Variants in SH3RF3 observed in about 807,000 individuals in gnomAD.
The protein encoded by SH3RF3 is SH3 domain containing ring finger 3.
In SH3RF3, 29 loss-of-function variants were observed where a neutral mutation model predicts 66.3. That is an observed-to-expected ratio of 0.44 (90% CI 0.33 to 0.60). The LOEUF is 0.60. Among genes scored for constraint, SH3RF3 ranks in the 20% least tolerant of loss-of-function variants. SH3RF3 has a pLI of 0.04. For missense variants in SH3RF3, 1,194 were observed against 1,190.9 expected (o/e 1.00, Z -0.04); for synonymous variants, 583 against 532.0 (o/e 1.10, Z -1.32).
In SH3RF3 at chr2:109,422,600, C is replaced by A. The variant is rs185270657; in HGVS notation, c.1403+2958C>A. ...CTCATTCCTGCACCCCCTTTCCACCCCCTGCTGTGTTGGGCTGGGGCTTGT... is the reference window on the plus strand; with the variant it reads ...CTCATTCCTGCACCCCCTTTCCACCACCTGCTGTGTTGGGCTGGGGCTTGT... On this transcript the variant is annotated intron_variant, in intron 5 of 9. Coordinates refer to ENST00000309415, the MANE Select transcript of SH3RF3 (RefSeq NM_001099289.3). 1.0e-4 allele frequency among the ~76,000 whole-genome samples: 9 copies of A among 89,306 alleles called. No homozygotes were observed. In the East Asian group the frequency reaches 2.2e-3, roughly 22 times the overall value. The allele number at this position is 89,306 out of a possible 152,430, so 58.6% of individuals were successfully genotyped here. A position where few individuals can be genotyped will look rare whatever the true frequency, so the allele number is the denominator to read the frequency against.
At position 109,129,360 on chromosome 2, in the gene SH3RF3, ACGCAGGCCGG is replaced by A; in HGVS notation, c.-180_-171del. ...CCCGCCACGCAGGCCGGTCCCCGCC[ACGCAGGCCGG>A]TCGGTGAGCCACTTCGCACCGCCAC... On this transcript the variant is annotated 5_prime_UTR_variant, in exon 1 of 10. Transcript: ENST00000309415. 1 of 377,902 alleles carries A rather than the reference ACGCAGGCCGG, an allele frequency of 2.6e-6. No homozygotes were observed. The highest frequency in any genetic ancestry group is 6.8e-5 in the East Asian group (1 of 14,608). 23.4% of individuals were successfully genotyped at this position (377,902 alleles called of 1,614,324 possible). A position where few individuals can be genotyped will look rare whatever the true frequency, so the allele number is the denominator to read the frequency against.
At chr2:109,492,331 C>T (rs1679150716) in intron 9 of SH3RF3, among the ~76,000 whole-genome samples, 1 of 152,204 alleles carries the variant, frequency 6.6e-6, no homozygotes, top group Non-Finnish European at 1.5e-5. Flanking sequence ...TAGCGCCAAG[C>T]CTATGGGGCT....
intron 5 of SH3RF3, among the ~76,000 whole-genome samples, chr2:109,427,265 G>A (rs1018084237): frequency 8.6e-5 from 13 of 152,026 alleles, no homozygotes; most frequent in African/African-American, 1.2e-4. Flanking sequence ...CACCGTGCCT[G>A]GACAAAGAAA....
chr2:109,297,784 C>T (rs1247826286), intron 1 of SH3RF3, among the ~76,000 whole-genome samples: 4 of 152,004 alleles, frequency 2.6e-5, no homozygotes, highest in African/African-American at 7.3e-5. Flanking sequence ...AGTCATTGCC[C>T]CCAACTAGGT....
intron 9 of SH3RF3, among the ~76,000 whole-genome samples, chr2:109,497,483 C>A (rs1679285102): frequency 6.6e-6 from 1 of 152,194 alleles, no homozygotes; most frequent in African/African-American, 2.4e-5. Context: ...ATTCCTTGAG[C>A]CCTGTGTCTG....
chr2:109,243,091 A>G (rs1186599437), intron 1 of SH3RF3, among the ~76,000 whole-genome samples: 1 of 152,260 alleles, frequency 6.6e-6, no homozygotes, highest in East Asian at 1.9e-4. Flanking sequence ...TAGCGTCAGC[A>G]GCAGATGAGA....
chr2:109,195,428 C>G (rs1430357054), intron 1 of SH3RF3, among the ~76,000 whole-genome samples: 1 of 152,260 alleles, frequency 6.6e-6, no homozygotes, highest in Admixed American at 6.5e-5. Flanking sequence ...GCGTCTGCCA[C>G]TCATGCCTGA....
At chr2:109,327,807 A>G (rs769894448) in intron 1 of SH3RF3, among the ~76,000 whole-genome samples, 4 of 152,258 alleles carry the variant, frequency 2.6e-5, no homozygotes, top group African/African-American at 4.8e-5. Context: ...TGACTTTTAC[A>G]TATACATACC....
chr2:109,307,016 A>G (rs1471444125), intron 1 of SH3RF3, among the ~76,000 whole-genome samples: 2 of 152,226 alleles, frequency 1.3e-5, no homozygotes, highest in African/African-American at 4.8e-5. Flanking sequence ...GGCACACATT[A>G]TTATGGCAGT....
intron 8 of SH3RF3, among the ~76,000 whole-genome samples, chr2:109,459,984 G>A (rs533630481): frequency 6.6e-6 from 1 of 152,324 alleles, no homozygotes; most frequent in Non-Finnish European, 1.5e-5. Flanking sequence ...TCCCAGCCCT[G>A]CAAGGGACTG....
intron 8 of SH3RF3, among the ~76,000 whole-genome samples, chr2:109,472,307 G>T (rs1329788987): frequency 6.6e-6 from 1 of 152,028 alleles, no homozygotes; most frequent in Non-Finnish European, 1.5e-5. Flanking sequence ...ACCCGGCCAG[G>T]GGCCTCCCGG....
At chr2:109,180,498 C>T (rs763577646) in intron 1 of SH3RF3, among the ~76,000 whole-genome samples, 1 of 152,180 alleles carries the variant, frequency 6.6e-6, no homozygotes, top group Non-Finnish European at 1.5e-5. Context: ...ACCCAAATCT[C>T]ATCTTGAATT....
chr2:109,413,205 C>T (rs983769596), intron 4 of SH3RF3, among the ~76,000 whole-genome samples: 6 of 152,228 alleles, frequency 3.9e-5, no homozygotes, highest in Admixed American at 3.9e-4. Context: ...ACCTCCGCCT[C>T]ATGGGTTCAA....
chr2:109,479,927 A>T (rs1412041136), intron 8 of SH3RF3, among the ~76,000 whole-genome samples: 2 of 152,024 alleles, frequency 1.3e-5, no homozygotes, highest in African/African-American at 4.8e-5. Context: ...GCTCCAGCCC[A>T]GCCCGGTTTT....
At chr2:109,151,666 C>T (rs189895330) in intron 1 of SH3RF3, among the ~76,000 whole-genome samples, 2 of 152,346 alleles carry the variant, frequency 1.3e-5, no homozygotes, top group South Asian at 2.1e-4. Flanking sequence ...TGAGGTCACA[C>T]TTCCCGGTTT....
intron 1 of SH3RF3, among the ~76,000 whole-genome samples, chr2:109,230,858 TCACTGGCCAATAGGA>T (rs1267986322): frequency 6.6e-6 from 1 of 152,216 alleles, no homozygotes; most frequent in African/African-American, 2.4e-5. Context: ...CCCTAGGAGT[TCACTGGCCAATAGGA>T]CTCCCTTTGG....
intron 1 of SH3RF3, among the ~76,000 whole-genome samples, chr2:109,146,197 A>C (rs1037464597): frequency 6.6e-6 from 1 of 152,142 alleles, no homozygotes; most frequent in Non-Finnish European, 1.5e-5. Flanking sequence ...AATAATGGCC[A>C]TTATTATTGG....
chr2:109,448,893 C>T (rs1677785186), intron 7 of SH3RF3, among the ~76,000 whole-genome samples: 1 of 152,158 alleles, frequency 6.6e-6, no homozygotes, highest in Non-Finnish European at 1.5e-5. Flanking sequence ...TTCATGGCAA[C>T]CTTGGCAAAG....
At chr2:109,185,730 A>T (rs1028611213) in intron 1 of SH3RF3, among the ~76,000 whole-genome samples, 5 of 152,256 alleles carry the variant, frequency 3.3e-5, no homozygotes, top group African/African-American at 1.2e-4. Flanking sequence ...GGGAGACTTT[A>T]GACAGACAAA....
Sources: allele counts gnomAD v4.1 joint callset (sites outside exome capture counted in the v4.1 genomes callset), GRCh38; gene constraint gnomAD v4.1.1; transcripts MANE v1.5; gene names NCBI Gene and HGNC (gene_info 2026-07-23, HGNC 2026-07-21).